The following SLC25A21 variants were observed in gnomAD, a reference collection of about 807,000 sequenced individuals.
SLC25A21 encodes solute carrier family 25 member 21, also known as mitochondrial 2-oxodicarboxylate carrier.
SLC25A21 carries 47 observed loss-of-function variants against 43.8 expected under a neutral mutation model. The ratio of observed to expected loss-of-function variants is 1.07; its 90% CI spans 0.85 to 1.37. SLC25A21 has a LOEUF of 1.37. SLC25A21 is among the 40% of genes most tolerant of loss of function. The pLI is 0.00. For synonymous variants in SLC25A21, 131 were observed against 121.3 expected (o/e 1.08, Z -0.52); for missense variants, 352 against 350.2 (o/e 1.00, Z -0.04).
chr14:37,065,403 C>A (rs527501240), intron 1 of SLC25A21, among the ~76,000 whole-genome samples: 3 of 152,116 alleles, frequency 2.0e-5, no homozygotes, highest in Non-Finnish European at 4.4e-5. Context: ...GGAGGTGAAC[C>A]GAGCTCTGGA....
chr14:37,090,007 C>A (rs1360616478), intron 1 of SLC25A21, among the ~76,000 whole-genome samples: 1 of 152,144 alleles, frequency 6.6e-6, no homozygotes, highest in Non-Finnish European at 1.5e-5. Flanking sequence ...AACTGGCAAA[C>A]CCCTCTACAT....
chr14:36,856,991 C>A (rs984862486), intron 2 of SLC25A21, among the ~76,000 whole-genome samples: 1 of 152,234 alleles, frequency 6.6e-6, no homozygotes, highest in Non-Finnish European at 1.5e-5. Flanking sequence ...TGCTTGGCAT[C>A]TTTTTCTGCA....
intron 1 of SLC25A21, among the ~76,000 whole-genome samples, chr14:37,090,370 G>C (rs1001133341): frequency 2.6e-5 from 4 of 152,228 alleles, no homozygotes; most frequent in African/African-American, 9.6e-5. Context: ...GGATGTGGAG[G>C]ATGCCTCCTC....
At position 37,089,707 on chromosome 14, in the gene SLC25A21, C is replaced by A. The variant is rs548469200; in HGVS notation, c.70+82574G>T. The stretch of plus-strand genomic sequence containing the variant: ...ATTTTATACCACAGCTCTACTTCTT[C>A]AATGGGAATAGGTGGGTTTTCAAAA... On this transcript the variant is annotated intron_variant, in intron 1 of 9. Coordinates refer to ENST00000331299, the MANE Select transcript of SLC25A21 (RefSeq NM_030631.4). Among the ~76,000 whole-genome samples the A allele has an allele frequency of 7.9e-5, 12 of 152,232 alleles. No individual in the cohort carries two copies. In the South Asian group the frequency reaches 1.0e-3, roughly 13 times the overall value.
intron 1 of SLC25A21, among the ~76,000 whole-genome samples, chr14:37,092,131 A>AT (rs1316258119): frequency 6.6e-6 from 1 of 152,058 alleles, no homozygotes; most frequent in Non-Finnish European, 1.5e-5. Context: ...TGTCTCTCTC[A>AT]TTTTTTTAAG....
At chr14:37,168,845 T>C (rs948725015) in intron 1 of SLC25A21, among the ~76,000 whole-genome samples, 2 of 152,132 alleles carry the variant, frequency 1.3e-5, no homozygotes, top group Non-Finnish European at 2.9e-5. Context: ...TATCTTCACA[T>C]AGACCAAGCA....
chr14:36,937,077 G>A (rs1381499662), intron 1 of SLC25A21, among the ~76,000 whole-genome samples: 1 of 152,174 alleles, frequency 6.6e-6, no homozygotes, highest in East Asian at 1.9e-4. Flanking sequence ...CTTCATTTCA[G>A]GGCCATGCTA....
At chr14:36,685,361 A>G (rs1953553204) in intron 7 of SLC25A21, among the ~76,000 whole-genome samples, 1 of 152,184 alleles carries the variant, frequency 6.6e-6, no homozygotes, top group African/African-American at 2.4e-5. Flanking sequence ...GTGGACCCCC[A>G]AATGTTAAAT....
chr14:36,896,023 T>G (rs187053923), intron 1 of SLC25A21, among the ~76,000 whole-genome samples: 2 of 152,324 alleles, frequency 1.3e-5, no homozygotes, highest in African/African-American at 4.8e-5. Context: ...TCTGTTGATT[T>G]GGGGTGGAGT....
At chr14:37,116,254 C>T (rs1272679517) in intron 1 of SLC25A21, among the ~76,000 whole-genome samples, 1 of 152,178 alleles carries the variant, frequency 6.6e-6, no homozygotes, top group Non-Finnish European at 1.5e-5. Flanking sequence ...GAGCTTGGTA[C>T]CACATATACA....
intron 2 of SLC25A21, among the ~76,000 whole-genome samples, chr14:36,845,497 CTAAAAAAG>C (rs566771279): frequency 3.2e-3 from 483 of 152,298 alleles, no homozygotes; most frequent in Admixed American, 5.4e-3. Context: ...AAGTCATACT[CTAAAAAAG>C]TTCTTACTTA....
chr14:37,142,545 T>C (rs1401010945), intron 1 of SLC25A21, among the ~76,000 whole-genome samples: 1 of 152,066 alleles, frequency 6.6e-6, no homozygotes, highest in East Asian at 1.9e-4. Flanking sequence ...TTATTATTTG[T>C]AGAGACGAGG....
At position 37,061,248 on chromosome 14, in the gene SLC25A21, G is replaced by C. The variant is rs867622044; in HGVS notation, c.70+111033C>G. On this transcript the variant is annotated intron_variant, in intron 1 of 9. Transcript: ENST00000331299. ...CCTCCTCAAGTGTTCCACAAATAAAGCACATTTTGCTATGACACCAACGAA... is the reference window on the plus strand; with the variant it reads ...CCTCCTCAAGTGTTCCACAAATAAACCACATTTTGCTATGACACCAACGAA... Among the ~76,000 whole-genome samples, 12 of 152,224 alleles carry C rather than the reference G, an allele frequency of 7.9e-5. No homozygotes were observed. The Middle Eastern group carries it at 0.01, about 129-fold the overall frequency.
chr14:36,711,484 T>C lies in SLC25A21; in HGVS notation c.439-2A>G. 2.5e-6 allele frequency: 4 copies of C among 1,612,900 alleles called. No homozygotes were observed. The highest frequency in any genetic ancestry group is 3.4e-6 in the Non-Finnish European group (4 of 1,179,592). ...TGCATAACCCACAGTGGATGGTTGCTGCAGAAGAGAGAAGCAAGGCCAGAA... is the reference window on the plus strand; with the variant it reads ...TGCATAACCCACAGTGGATGGTTGCCGCAGAAGAGAGAAGCAAGGCCAGAA... On this transcript the variant is annotated splice_acceptor_variant, in intron 6 of 9. Transcript: ENST00000331299. LOFTEE classifies it high-confidence loss of function.
chr14:36,849,985 T>A (rs1260715068), intron 2 of SLC25A21, among the ~76,000 whole-genome samples: 3 of 152,234 alleles, frequency 2.0e-5, no homozygotes, highest in African/African-American at 7.2e-5. Flanking sequence ...GAGGTACAGC[T>A]TCTTCAGTCA....
chr14:36,983,294 T>C lies in SLC25A21; in HGVS notation c.71-108290A>G, dbSNP rs569427599. Among the ~76,000 whole-genome samples the C allele has an allele frequency of 7.2e-5, 11 of 152,320 alleles. No homozygotes were observed. In the South Asian group the frequency reaches 2.3e-3, roughly 32 times the overall value. On this transcript the variant is annotated intron_variant, in intron 1 of 9. Transcript: ENST00000331299. ...CTTACTTTTATTCTAAAATTAGATA[T>C]GGGAGGAAGGAATCATAGTCTTTCT...
chr14:37,086,437 G>A lies in SLC25A21; in HGVS notation c.70+85844C>T, dbSNP rs984857083. Reference sequence around the variant, plus strand: ...TATGTTTGTGTAATAGTCATGTTAGGCTTCTCAACATAATGAAATATTCTT... The same window carrying A: ...TATGTTTGTGTAATAGTCATGTTAGACTTCTCAACATAATGAAATATTCTT... On this transcript the variant is annotated intron_variant, in intron 1 of 9. Transcript: ENST00000331299. Among the ~76,000 whole-genome samples, 3 of 152,100 alleles carry A rather than the reference G, an allele frequency of 2.0e-5. No homozygotes were observed. The South Asian group carries it at 6.2e-4, about 32-fold the overall frequency.
chr14:37,163,262 G>T (rs1963979171), intron 1 of SLC25A21, among the ~76,000 whole-genome samples: 1 of 151,164 alleles, frequency 6.6e-6, no homozygotes, highest in South Asian at 2.1e-4. Flanking sequence ...TGCACATTGT[G>T]CACATGTACC....
intron 1 of SLC25A21, among the ~76,000 whole-genome samples, chr14:37,130,511 C>A (rs1963374997): frequency 6.6e-6 from 1 of 152,102 alleles, no homozygotes; most frequent in Non-Finnish European, 1.5e-5. Flanking sequence ...TAAGCATATG[C>A]AATATGTTAT....
Sources: allele counts gnomAD v4.1 joint callset (sites outside exome capture counted in the v4.1 genomes callset), GRCh38; gene constraint gnomAD v4.1.1; transcripts MANE v1.5; gene names NCBI Gene and HGNC (gene_info 2026-07-23, HGNC 2026-07-21).